AGBL4: variants seen among roughly 807,000 people sequenced by gnomAD.
The protein encoded by AGBL4 is AGBL carboxypeptidase 4, also known as cytosolic carboxypeptidase 6.
In AGBL4, 58 loss-of-function variants were observed where a neutral mutation model predicts 66.4. The observed-to-expected ratio is 0.87, with a 90% confidence interval of 0.71 to 1.09. AGBL4 has a LOEUF of 1.09. Among genes scored for constraint, AGBL4 ranks in the 50% least tolerant of loss-of-function variants. The probability of loss-of-function intolerance (pLI) is 0.00; values close to 1 mark genes in which losing one functional copy is unlikely to be tolerated. For synonymous variants in AGBL4, 234 were observed against 222.9 expected, an observed-to-expected ratio of 1.05 and a Z score of -0.44; for missense variants, 579 against 631.0, an observed-to-expected ratio of 0.92 and a Z score of 0.88.
intron 6 of AGBL4, among the ~76,000 whole-genome samples, chr1:48,796,867 T>G (rs889322907): frequency 7.9e-5 from 12 of 152,142 alleles, no homozygotes; most frequent in African/African-American, 2.9e-4. Flanking sequence ...AACCATGTGA[T>G]AAATATAGCA....
At chr1:48,751,087 C>T (rs1651664551) in intron 6 of AGBL4, among the ~76,000 whole-genome samples, 1 of 152,152 alleles carries the variant, frequency 6.6e-6, no homozygotes, top group Non-Finnish European at 1.5e-5. Flanking sequence ...TGTCTTTTCC[C>T]CTCTCTGGGC....
At chr1:48,567,212 A>T (rs2148308894) in intron 11 of AGBL4, among the ~76,000 whole-genome samples, 1 of 152,332 alleles carries the variant, frequency 6.6e-6, no homozygotes, top group South Asian at 2.1e-4. Flanking sequence ...TGTGTATGTC[A>T]GAGCACCTGT....
chr1:48,924,769 A>G (rs1654390131), intron 5 of AGBL4, among the ~76,000 whole-genome samples: 1 of 151,924 alleles, frequency 6.6e-6, no homozygotes, highest in Non-Finnish European at 1.5e-5. Context: ...CTCATCTCTG[A>G]CTCCATGGAT....
chr1:49,447,489 ATGTAGTCTTATGAT>A (rs1245602433), intron 3 of AGBL4, among the ~76,000 whole-genome samples: 1 of 152,102 alleles, frequency 6.6e-6, no homozygotes, highest in Non-Finnish European at 1.5e-5. Flanking sequence ...CCAGGACTGA[ATGTAGTCTTATGAT>A]GCCTGCACTC....
chr1:49,277,081 T>C (rs61600250), intron 3 of AGBL4, among the ~76,000 whole-genome samples: 1 of 152,068 alleles, frequency 6.6e-6, no homozygotes, highest in Non-Finnish European at 1.5e-5. Context: ...AATAAGAGAA[T>C]AAAAAGTAAA....
At chr1:48,793,029 C>T (rs1390154949) in intron 6 of AGBL4, among the ~76,000 whole-genome samples, 6 of 152,150 alleles carry the variant, frequency 3.9e-5, no homozygotes, top group African/African-American at 7.2e-5. Context: ...GTCCACATGA[C>T]GAACTCTTGG....
chr1:48,927,584 AAG>A (rs1384787782), intron 5 of AGBL4, among the ~76,000 whole-genome samples: 3 of 152,146 alleles, frequency 2.0e-5, no homozygotes, highest in African/African-American at 7.2e-5. Context: ...AGTCCCACGA[AAG>A]AATATGGAAG....
intron 3 of AGBL4, among the ~76,000 whole-genome samples, chr1:49,572,787 A>C (rs1446296521): frequency 6.6e-6 from 1 of 152,320 alleles, no homozygotes; most frequent in African/African-American, 2.4e-5. Flanking sequence ...ACAAAGTATT[A>C]ATCCTGGGTG....
intron 11 of AGBL4, among the ~76,000 whole-genome samples, chr1:48,576,923 C>T (rs1452066415): frequency 2.6e-5 from 4 of 152,206 alleles, no homozygotes; most frequent in Non-Finnish European, 4.4e-5. Flanking sequence ...TTTTACTGCA[C>T]AGGAAACCTC....
intron 3 of AGBL4, among the ~76,000 whole-genome samples, chr1:49,542,896 C>CAAAAAAAAAAAAAA (rs35734647): frequency 8.7e-5 from 2 of 22,890 alleles, no homozygotes; most frequent in African/African-American, 2.0e-4. Context: ...AAGACTCCAT[C>CAAAAAAAAAAAAAA]AAAAAAAAAA....
At chr1:49,908,869 C>A (rs868230162) in intron 1 of AGBL4, among the ~76,000 whole-genome samples, 1 of 152,118 alleles carries the variant, frequency 6.6e-6, no homozygotes, top group Admixed American at 6.6e-5. Context: ...TAGTCAATAT[C>A]CATTAATAAT....
intron 3 of AGBL4, among the ~76,000 whole-genome samples, chr1:49,419,544 CCCA>C (rs1257533477): frequency 6.6e-6 from 1 of 152,116 alleles, no homozygotes; most frequent in Non-Finnish European, 1.5e-5. Flanking sequence ...TCTTCTGGGA[CCCA>C]CCAGTCATCT....
intron 4 of AGBL4, among the ~76,000 whole-genome samples, chr1:49,171,584 A>T (rs1361025279): frequency 6.6e-6 from 1 of 152,222 alleles, no homozygotes; most frequent in Non-Finnish European, 1.5e-5. Flanking sequence ...TTAGAAGTGA[A>T]GGAACTACAA....
Position 49,402,717 on chromosome 1 carries a change from G to A in AGBL4, c.283-156853C>T, listed in dbSNP as rs139595328. The stretch of plus-strand genomic sequence containing the variant: ...TGAGTAGCTGGGATTACAGACATGC[G>A]CCACCACATCTGGCTAATTTTGTAT... On this transcript the variant is annotated intron_variant, in intron 3 of 13. Transcript: ENST00000371839. Among the ~76,000 whole-genome samples the A allele has an allele frequency of 2.8e-4, 43 of 152,018 alleles. 1 individual carries two copies. Among genetic ancestry groups the A allele is most frequent in the African/African-American group, 8.9e-4 (37 of 41,490 alleles).
chr1:48,593,529 A>G (rs534643960), intron 9 of AGBL4, among the ~76,000 whole-genome samples: 1 of 152,312 alleles, frequency 6.6e-6, no homozygotes, highest in East Asian at 1.9e-4. Flanking sequence ...AGGCAGGCAG[A>G]TCACGAAGTC....
intron 6 of AGBL4, among the ~76,000 whole-genome samples, chr1:48,715,703 A>AATG (rs1647038880): frequency 1.3e-5 from 2 of 152,162 alleles, no homozygotes; most frequent in Non-Finnish European, 2.9e-5. Flanking sequence ...AGGGAAAAAA[A>AATG]TGTGTTTCCT....
intron 8 of AGBL4, among the ~76,000 whole-genome samples, chr1:48,649,379 T>G (rs1010707084): frequency 3.3e-5 from 5 of 152,256 alleles, no homozygotes; most frequent in Admixed American, 2.0e-4. Context: ...GAGTGTATAG[T>G]TGCTCTGTGC....
At position 49,189,500 on chromosome 1, in the gene AGBL4, T is replaced by C. The variant is rs141961570; in HGVS notation, c.377+56270A>G. 2.3e-4 allele frequency among the ~76,000 whole-genome samples: 35 copies of C among 152,314 alleles called. 1 individual carries two copies. The East Asian group carries it at 4.8e-3, about 21-fold the overall frequency. ...TAGCACATTCACCACCTTTAGCTCA[T>C]TTGATCCTTACTGCAATCCAAACAG... On this transcript the variant is annotated intron_variant, in intron 4 of 13. Coordinates refer to ENST00000371839, the MANE Select transcript of AGBL4 (RefSeq NM_032785.4).
chr1:48,985,972 A>T (rs1306814261), intron 5 of AGBL4, among the ~76,000 whole-genome samples: 1 of 152,160 alleles, frequency 6.6e-6, no homozygotes, highest in African/African-American at 2.4e-5. Flanking sequence ...GAAAGATATA[A>T]ATCAAGCGTC....
Sources: gnomAD v4.1 joint callset for allele counts (sites outside exome capture counted in the v4.1 genomes callset) on GRCh38, gnomAD v4.1.1 for gene constraint, MANE v1.5 for transcripts, NCBI Gene and HGNC (gene_info 2026-07-23, HGNC 2026-07-21) for gene names.